Variants in SMIM7 observed in about 807,000 individuals in gnomAD.
The protein encoded by SMIM7 is small integral membrane protein 7.
In SMIM7, 12 loss-of-function variants were observed where a neutral mutation model predicts 13.3. The ratio of observed to expected loss-of-function variants is 0.90; its 90% CI spans 0.58 to 1.46. SMIM7 has a LOEUF of 1.46. Ranked by LOEUF, SMIM7 falls within the 40% of genes most tolerant of loss-of-function variation. SMIM7 has a pLI of 0.00. For synonymous variants in SMIM7, 36 were observed against 35.8 expected (o/e 1.01, Z -0.02); for missense variants, 114 against 94.8 (o/e 1.20, Z -0.84).
chr19:16,659,829 G>A, intron 2 of SMIM7, 130 bp downstream of exon 2: 1 of 1,242,102 alleles, frequency 8.1e-7, no homozygotes. Flanking sequence ...CTGGAGGCGT[G>A]CCCAGAGGGC....
intron 4 of SMIM7, among the ~76,000 whole-genome samples, chr19:16,648,289 C>T (rs1460155922): frequency 6.6e-6 from 1 of 151,886 alleles, no homozygotes; most frequent in Non-Finnish European, 1.5e-5. Flanking sequence ...TACAGGCACC[C>T]GCCACCATGC....
downstream of SMIM7, among the ~76,000 whole-genome samples, chr19:16,643,482 C>G (rs751069880): frequency 6.6e-6 from 1 of 152,148 alleles, no homozygotes; most frequent in Non-Finnish European, 1.5e-5. Context: ...CTGTAACCTC[C>G]GCCTCCCGAG....
intron 3 of SMIM7, chr19:16,655,494 A>G (rs1318018176): frequency 9.0e-6 from 4 of 443,872 alleles, no homozygotes; most frequent in East Asian, 7.0e-5. Context: ...CAGCCTGGCC[A>G]ACATGGTGAA....
downstream of SMIM7, chr19:16,645,733 C>T (rs2086442794): frequency 6.7e-6 from 1 of 149,724 alleles, no homozygotes; most frequent in Non-Finnish European, 1.5e-5. Flanking sequence ...TCAATCTCAG[C>T]TCACTGCAAC....
rs780143949 is a variant in SMIM7, at chr19:16,659,970, C to A, written c.57G>T (p.Leu19=). The A allele has an allele frequency of 3.7e-6, 6 of 1,612,882 alleles. No homozygotes were observed. The South Asian group carries it at 6.6e-5, about 18-fold the overall frequency. ...GTLLMNAGAV[L]NFKLKKKDTQ... is the part of the protein sequence containing the mutation. ...CGCGACCTACTCACAGCTTAAAGTT[C>A]AGCACCGCCCCGGCATTCATCAGCA... The change falls in exon 2 of 5, where the codon CTG becomes CTT. Residue 19 remains leucine, a synonymous_variant. Coordinates refer to ENST00000487416, the MANE Select transcript of SMIM7 (RefSeq NM_024104.4).
At chr19:16,633,174 T>C (rs977826129) in intron 4 of SMIM7, among the ~76,000 whole-genome samples, 2 of 151,952 alleles carry the variant, frequency 1.3e-5, no homozygotes, top group Non-Finnish European at 2.9e-5. Context: ...TTCACCAAGC[T>C]GGCCAGGCGC....
downstream of SMIM7, among the ~76,000 whole-genome samples, chr19:16,643,408 A>G (rs752281714): frequency 6.6e-5 from 10 of 152,022 alleles, no homozygotes; most frequent in African/African-American, 2.4e-4. Flanking sequence ...TTTAAAAAAA[A>G]TTTTTCTTTT....
chr19:16,638,173 AG>A (rs2086374200), intron 4 of SMIM7, among the ~76,000 whole-genome samples: 1 of 152,028 alleles, frequency 6.6e-6, no homozygotes. Flanking sequence ...AGGCTGAGGC[AG>A]GAAGAATCAC....
chr19:16,635,899 AATATATATAT>A (rs1170352437), intron 4 of SMIM7, among the ~76,000 whole-genome samples: 2 of 109,600 alleles, frequency 1.8e-5, no homozygotes, highest in Non-Finnish European at 3.4e-5. Flanking sequence ...AAAAAAAAAA[AATATATATAT>A]ATATATATAT....
intron 4 of SMIM7, chr19:16,635,198 C>A (rs2086349832): frequency 6.8e-6 from 1 of 146,384 alleles, no homozygotes; most frequent in African/African-American, 2.5e-5. Context: ...CCCATCCCTC[C>A]TAAAAAAAAA....
downstream of SMIM7, among the ~76,000 whole-genome samples, chr19:16,642,529 G>A (rs528047843): frequency 2.8e-4 from 42 of 151,400 alleles, no homozygotes; most frequent in African/African-American, 9.9e-4. Flanking sequence ...CAGCCTGGGC[G>A]AGAGTGAGAC....
chr19:16,652,996 A>G, intron 4 of SMIM7: 1 of 1,549,198 alleles, frequency 6.5e-7, no homozygotes, highest in South Asian at 1.2e-5. Flanking sequence ...ATTTAAAACA[A>G]TAAAGTCTGA....
Position 16,647,220 on chromosome 19 carries a change from T to C in SMIM7, c.*26A>G. 6.2e-7 allele frequency: 1 copy of C among 1,613,896 alleles called. No individual in the cohort carries two copies. Among genetic ancestry groups the C allele is most frequent in the South Asian group, 1.1e-5 (1 of 90,998 alleles). Reference sequence around the variant, plus strand: ...ATGGAGACTCGGCATCCCGGGAAAGTGAGTTCCTGGTTTCATCGCTGGGAT... The same window carrying C: ...ATGGAGACTCGGCATCCCGGGAAAGCGAGTTCCTGGTTTCATCGCTGGGAT... On this transcript the variant is annotated 3_prime_UTR_variant, in exon 5 of 5. Transcript: ENST00000487416.
chr19:16,658,841 T>C (rs1179555257), intron 3 of SMIM7, among the ~76,000 whole-genome samples: 1 of 151,950 alleles, frequency 6.6e-6, no homozygotes, highest in Non-Finnish European at 1.5e-5. Flanking sequence ...GGGGCAGACA[T>C]TAGCCAGATG....
chr19:16,654,895 A>G (rs1028565454), intron 3 of SMIM7, among the ~76,000 whole-genome samples: 6 of 152,140 alleles, frequency 3.9e-5, no homozygotes, highest in Middle Eastern at 6.8e-3. Flanking sequence ...AAGCCCTCAG[A>G]TATTTACTAT....
At chr19:16,645,259 C>T (rs368013416), downstream of SMIM7, 2 of 152,188 alleles carry the variant, frequency 1.3e-5, no homozygotes, top group South Asian at 4.1e-4. Context: ...ACCTCAATGA[C>T]AGGATTCTCT....
chr19:16,659,384 T>A lies in SMIM7; in HGVS notation c.121+11A>T. The A allele has an allele frequency of 6.2e-7, 1 of 1,613,198 alleles. No individual in the cohort carries two copies. ...TGGACCATGCAATTCCAGGATCCAA[T>A]TAGACCTTACCTGTGCTGGGCTCCC... On this transcript the variant is annotated intron_variant, in intron 3 of 4. Transcript: ENST00000487416.
chr19:16,648,329 C>T lies in SMIM7; in HGVS notation c.213-1068G>A, dbSNP rs148792281. On this transcript the variant is annotated intron_variant, in intron 4 of 4. Coordinates refer to ENST00000487416, the MANE Select transcript of SMIM7 (RefSeq NM_024104.4). ...CTAATTTTTGTACTTCTAGTAGAGA[C>T]GGTGTTTCACCATGTTGGTCAGGCC... 2.7e-4 allele frequency among the ~76,000 whole-genome samples: 41 copies of T among 151,976 alleles called. No individual in the cohort carries two copies. The East Asian group carries it at 4.1e-3, about 15-fold the overall frequency.
At chr19:16,653,052 G>C in intron 4 of SMIM7, 1 of 1,423,070 alleles carries the variant, frequency 7.0e-7, no homozygotes, top group Middle Eastern at 1.8e-4. Flanking sequence ...GGATCTGGCA[G>C]TGTGCTGGAC....
Sources: gnomAD v4.1 joint callset for allele counts (sites outside exome capture counted in the v4.1 genomes callset) on GRCh38, gnomAD v4.1.1 for gene constraint, MANE v1.5 for transcripts, NCBI Gene and HGNC (gene_info 2026-07-23, HGNC 2026-07-21) for gene names.